RBFOX1: variants seen among roughly 807,000 people sequenced by gnomAD.
RBFOX1 encodes RNA binding protein fox-1 homolog 1.
A neutral mutation model predicts 57.7 loss-of-function variants in RBFOX1; 8 were observed. The ratio of observed to expected loss-of-function variants is 0.14; its 90% CI spans 0.08 to 0.25. RBFOX1 has a LOEUF of 0.25. Ranked by LOEUF, RBFOX1 falls within the 10% of genes least tolerant of loss-of-function variation. The pLI, the probability that RBFOX1 is intolerant of heterozygous loss-of-function variation, is 1.00. For synonymous variants in RBFOX1, 326 were observed against 222.4 expected, an observed-to-expected ratio of 1.47 and a Z score of -4.15; for missense variants, 611 against 548.5, an observed-to-expected ratio of 1.11 and a Z score of -1.14.
At chr16:6,947,658 C>T (rs969197946) in intron 3 of RBFOX1, among the ~76,000 whole-genome samples, 2 of 152,196 alleles carry the variant, frequency 1.3e-5, no homozygotes, top group African/African-American at 4.8e-5. Flanking sequence ...TCTGTTCTAT[C>T]GTTATCTCCT....
chr16:6,762,239 T>C (rs1205184670), intron 3 of RBFOX1, among the ~76,000 whole-genome samples: 3 of 152,200 alleles, frequency 2.0e-5, no homozygotes, highest in East Asian at 3.9e-4. Flanking sequence ...TAATCTATTA[T>C]GTAGAGAGTG....
chr16:5,287,524 A>G (rs2151164294), intron 1 of RBFOX1, among the ~76,000 whole-genome samples: 1 of 152,338 alleles, frequency 6.6e-6, no homozygotes, highest in Admixed American at 6.5e-5. Flanking sequence ...AAAATGCTGC[A>G]TAACAAGTCA....
At chr16:7,406,406 G>A (rs961627282) in intron 4 of RBFOX1, among the ~76,000 whole-genome samples, 3 of 152,272 alleles carry the variant, frequency 2.0e-5, no homozygotes, top group East Asian at 1.9e-4. Context: ...TGGCTACTAC[G>A]TATGGGAGCC....
In RBFOX1 at chr16:7,098,942, A is replaced by C. The variant is rs145046204; in HGVS notation, c.27+46844A>C. Among the ~76,000 whole-genome samples the C allele has an allele frequency of 7.8e-3, 1,184 of 152,196 alleles. 11 individuals carry two copies. The highest frequency in any genetic ancestry group is 0.013 in the Non-Finnish European group (854 of 68,012). On this transcript the variant is annotated intron_variant, in intron 4 of 15. Transcript: ENST00000550418. Reference sequence around the variant, plus strand: ...TTACTAGTGCCTGAGGTTGTTTTTCAACTGATATTGAGCTGGTTGCTTATA... The same window carrying C: ...TTACTAGTGCCTGAGGTTGTTTTTCCACTGATATTGAGCTGGTTGCTTATA...
At chr16:7,492,142 A>C (rs1014295944) in intron 4 of RBFOX1, among the ~76,000 whole-genome samples, 1 of 152,236 alleles carries the variant, frequency 6.6e-6, no homozygotes, top group African/African-American at 2.4e-5. Context: ...ACTACTTAGC[A>C]TGATTTTGTC....
intron 3 of RBFOX1, among the ~76,000 whole-genome samples, chr16:6,817,501 C>T (rs935089339): frequency 6.7e-5 from 10 of 149,156 alleles, no homozygotes; most frequent in Non-Finnish European, 3.0e-5. Context: ...CGAGACCAGC[C>T]TGGCCAGCAT....
chr16:7,580,158 A>T (rs951604824), intron 6 of RBFOX1, among the ~76,000 whole-genome samples: 2 of 152,166 alleles, frequency 1.3e-5, no homozygotes, highest in African/African-American at 4.8e-5. Flanking sequence ...CTAAGAAGTA[A>T]CTTGTAGGCC....
intron 4 of RBFOX1, among the ~76,000 whole-genome samples, chr16:7,457,304 G>T (rs546927872): frequency 1.3e-5 from 2 of 152,142 alleles, no homozygotes; most frequent in African/African-American, 2.4e-5. Flanking sequence ...ACTATCTTCC[G>T]ATCTGTGTCC....
chr16:5,840,532 C>A (rs1000201331), intron 3 of RBFOX1, among the ~76,000 whole-genome samples: 2 of 152,170 alleles, frequency 1.3e-5, no homozygotes, highest in Non-Finnish European at 2.9e-5. Flanking sequence ...ACAGCTCCCC[C>A]ACTGCCATCA....
intron 1 of RBFOX1, among the ~76,000 whole-genome samples, chr16:6,308,460 T>C (rs1438510228): frequency 6.6e-6 from 1 of 152,212 alleles, no homozygotes; most frequent in Non-Finnish European, 1.5e-5. Context: ...AGAGAAACTT[T>C]TTTACATAAA....
chr16:6,750,051 C>T (rs970354060), intron 3 of RBFOX1, among the ~76,000 whole-genome samples: 2 of 152,062 alleles, frequency 1.3e-5, no homozygotes, highest in African/African-American at 4.8e-5. Context: ...ATGTAGCTAT[C>T]AACTAGGGGC....
intron 3 of RBFOX1, among the ~76,000 whole-genome samples, chr16:6,671,201 A>G (rs2098762713): frequency 6.6e-6 from 1 of 152,222 alleles, no homozygotes. Context: ...TTTACTTGCA[A>G]TGTCAAAATA....
intron 1 of RBFOX1, among the ~76,000 whole-genome samples, chr16:6,177,570 C>A (rs951270173): frequency 2.0e-5 from 3 of 152,100 alleles, no homozygotes; most frequent in Non-Finnish European, 4.4e-5. Context: ...GGATTTCTAT[C>A]CTGTTTCATC....
chr16:5,602,943 C>T (rs897773375), downstream of RBFOX1, among the ~76,000 whole-genome samples: 14 of 152,192 alleles, frequency 9.2e-5, no homozygotes, highest in African/African-American at 3.4e-4. Context: ...TCTCAGTTGT[C>T]ATGGAAATGC....
intron 3 of RBFOX1, among the ~76,000 whole-genome samples, chr16:6,814,020 A>C (rs2089446832): frequency 7.5e-6 from 1 of 133,686 alleles, no homozygotes; most frequent in Admixed American, 8.0e-5. Context: ...TGATCTGCAC[A>C]AAGGGAAATT....
chr16:6,603,273 AG>A (rs956271645), intron 2 of RBFOX1, among the ~76,000 whole-genome samples: 1 of 152,162 alleles, frequency 6.6e-6, no homozygotes, highest in African/African-American at 2.4e-5. Flanking sequence ...CCCCGGGGAA[AG>A]GCAGCCCACA....
At chr16:6,902,424 A>C (rs1038355688) in intron 3 of RBFOX1, among the ~76,000 whole-genome samples, 2 of 152,194 alleles carry the variant, frequency 1.3e-5, no homozygotes, top group Admixed American at 1.3e-4. Flanking sequence ...CAGAAGACCC[A>C]AGAGGAAAAG....
chr16:5,388,284 G>A (rs1166631931), intron 1 of RBFOX1, among the ~76,000 whole-genome samples: 2 of 152,140 alleles, frequency 1.3e-5, no homozygotes, highest in South Asian at 2.1e-4. Context: ...CACATCCCTT[G>A]GTTGGGTTGG....
At chr16:5,915,634 C>T (rs568571521) in intron 4 of RBFOX1, among the ~76,000 whole-genome samples, 1 of 152,102 alleles carries the variant, frequency 6.6e-6, no homozygotes, top group African/African-American at 2.4e-5. Context: ...GAGTTTGAGA[C>T]CAGCCTGGCC....
Sources: gnomAD v4.1 joint callset for allele counts (sites outside exome capture counted in the v4.1 genomes callset) on GRCh38, gnomAD v4.1.1 for gene constraint, MANE v1.5 for transcripts, NCBI Gene and HGNC (gene_info 2026-07-23, HGNC 2026-07-21) for gene names.